GSAP: variants seen among roughly 807,000 people sequenced by gnomAD.
The protein encoded by GSAP is gamma-secretase activating protein, also known as gamma-secretase-activating protein.
Under a neutral mutation model 131.7 loss-of-function variants are expected in GSAP, and 118 were observed. The ratio of observed to expected loss-of-function variants is 0.90; its 90% CI spans 0.77 to 1.04. The LOEUF (loss-of-function observed/expected upper bound fraction) is 1.04. GSAP is among the 50% of genes least tolerant of loss of function. GSAP has a pLI of 0.00. For missense variants in GSAP, 1,019 were observed against 1,013.2 expected (o/e 1.01, Z -0.08); for synonymous variants, 381 against 363.4 (o/e 1.05, Z -0.55).
At chr7:77,415,883 C>CATT in intron 1 of GSAP, 1 of 263,780 alleles carries the variant, frequency 3.8e-6, no homozygotes, top group Non-Finnish European at 7.2e-6. Flanking sequence ...CTGAGCTGAG[C>CATT]ACGACCCTCT....
intron 22 of GSAP, chr7:77,326,911 T>C (rs1313031682): frequency 6.6e-6 from 1 of 152,220 alleles, no homozygotes; most frequent in African/African-American, 2.4e-5. Flanking sequence ...CGCTTCTAAC[T>C]TCTTTGTATT....
At chr7:77,356,050 C>T (rs982726658) in intron 14 of GSAP, among the ~76,000 whole-genome samples, 3 of 151,656 alleles carry the variant, frequency 2.0e-5, no homozygotes, top group Non-Finnish European at 4.4e-5. Context: ...CCTCGGCCTC[C>T]CAAAGTGCTG....
At chr7:77,412,064 A>G (rs1803386148) in intron 1 of GSAP, among the ~76,000 whole-genome samples, 1 of 152,200 alleles carries the variant, frequency 6.6e-6, no homozygotes, top group South Asian at 2.1e-4. Flanking sequence ...CCGTAATCCC[A>G]GCTACTTGGG....
At chr7:77,362,734 C>A (rs539989728) in intron 12 of GSAP, 74 bp from the exon 13 acceptor site, 5 of 831,138 alleles carry the variant, frequency 6.0e-6, no homozygotes, top group Non-Finnish European at 1.0e-5. Context: ...ACCACTTAAA[C>A]TTACTTCTAT....
chr7:77,387,825 A>G (rs1047928743), intron 5 of GSAP, among the ~76,000 whole-genome samples: 2 of 152,242 alleles, frequency 1.3e-5, no homozygotes, highest in African/African-American at 4.8e-5. Context: ...CAAGGGAGAC[A>G]AATTTCAGAT....
At chr7:77,377,090 A>G (rs1797007258) in intron 9 of GSAP, among the ~76,000 whole-genome samples, 183 bp from the exon 10 acceptor site, 1 of 151,892 alleles carries the variant, frequency 6.6e-6, no homozygotes, top group Non-Finnish European at 1.5e-5. Context: ...ACTATGGCTC[A>G]TGCCTGTAAT....
intron 22 of GSAP, chr7:77,328,051 GGTAA>G (rs1220518362): frequency 3.9e-5 from 8 of 207,370 alleles, no homozygotes; most frequent in African/African-American, 1.9e-4. Context: ...TGCACAAATG[GGTAA>G]GTGACTTGCC....
At chr7:77,396,301 T>C (rs1026810272) in intron 5 of GSAP, among the ~76,000 whole-genome samples, 1 of 152,204 alleles carries the variant, frequency 6.6e-6, no homozygotes, top group Non-Finnish European at 1.5e-5. Context: ...TTTTCTTACA[T>C]TCAATCTGCT....
intron 19 of GSAP, among the ~76,000 whole-genome samples, chr7:77,348,683 C>T (rs1792274967): frequency 6.6e-6 from 1 of 152,186 alleles, no homozygotes; most frequent in South Asian, 2.1e-4. Flanking sequence ...AAAACACTCC[C>T]CCTAGTTTTA....
chr7:77,349,168 G>A (rs1215659953), intron 19 of GSAP, among the ~76,000 whole-genome samples, 183 bp downstream of exon 19: 1 of 152,130 alleles, frequency 6.6e-6, no homozygotes, highest in Non-Finnish European at 1.5e-5. Context: ...CCTGAGAATT[G>A]CCATAATACC....
intron 18 of GSAP, among the ~76,000 whole-genome samples, chr7:77,350,432 AAAAAAAAAAAGTTTCTGCAGCAG>A (rs1238389259): frequency 2.0e-5 from 3 of 151,694 alleles, no homozygotes; most frequent in Non-Finnish European, 4.4e-5. Context: ...ATAATTAAAA[AAAAAAAAAAAGTTTCTGCAGCAG>A]CCAGGTGCAG....
In GSAP at chr7:77,390,972, A is replaced by T. The variant is rs1464427548; in HGVS notation, c.368-3524T>A. Among the ~76,000 whole-genome samples the T allele has an allele frequency of 3.1e-3, 427 of 136,076 alleles. 7 individuals carry two copies. Among genetic ancestry groups the T allele is most frequent in the African/African-American group, 0.011 (413 of 36,874 alleles). The allele number at this position is 136,076 out of a possible 152,430, so 89.3% of individuals were successfully genotyped here. ...AAAAAAAAAAAAAAAAAAAAAAAAA[A>T]AAAAAAAAAAATTAGCCGGGTGTGG... is the stretch of plus-strand genomic sequence containing the variant. On this transcript the variant is annotated intron_variant, in intron 5 of 30. Transcript: ENST00000257626.
chr7:77,397,487 C>T (rs1377941745), intron 3 of GSAP, 72 bp from the exon 4 acceptor site: 2 of 865,620 alleles, frequency 2.3e-6, no homozygotes, highest in African/African-American at 3.4e-5. Flanking sequence ...CATAAATTCC[C>T]ATTAAGCTCT....
At chr7:77,404,940 C>T (rs1563133774) in intron 2 of GSAP, among the ~76,000 whole-genome samples, 2 of 152,132 alleles carry the variant, frequency 1.3e-5, no homozygotes, top group South Asian at 4.1e-4. Context: ...AGGACAAGTC[C>T]GTAACATTCT....
intron 3 of GSAP, among the ~76,000 whole-genome samples, chr7:77,403,649 CAGAA>C (rs1340422556): frequency 1.3e-5 from 2 of 152,122 alleles, no homozygotes; most frequent in South Asian, 4.1e-4. Flanking sequence ...TAAGCAGAAG[CAGAA>C]AGAGTCAGAG....
rs969683115 is a variant in GSAP, at chr7:77,382,479, G to A, written c.526+95C>T. 3.9e-5 allele frequency: 27 copies of A among 690,910 alleles called. No homozygotes were observed. The East Asian group carries it at 6.9e-4, about 18-fold the overall frequency. 42.8% of individuals were successfully genotyped at this position (690,910 alleles called of 1,614,324 possible). ...CAAAGCTTAGCAGACCCTTGGCAAT[G>A]GCAGGTGGATATCTAGAAGATTCAA... On this transcript the variant is annotated intron_variant, in intron 7 of 30. Coordinates refer to ENST00000257626, the MANE Select transcript of GSAP (RefSeq NM_017439.4).
At chr7:77,387,311 G>T (rs1280403727) in intron 6 of GSAP, 49 bp downstream of exon 6, 1 of 919,676 alleles carries the variant, frequency 1.1e-6, no homozygotes, top group South Asian at 1.3e-5. Context: ...CTTCTAGGCT[G>T]CATGCCTTTT....
At chr7:77,320,565 A>G (rs573949705) in intron 26 of GSAP, among the ~76,000 whole-genome samples, 160 bp downstream of exon 26, 2 of 152,336 alleles carry the variant, frequency 1.3e-5, no homozygotes, top group Admixed American at 6.5e-5. Flanking sequence ...AGCTCTGGTC[A>G]GCAGAGACCA....
intron 3 of GSAP, 21 bp from the exon 4 acceptor site, chr7:77,397,436 T>C: frequency 7.3e-7 from 1 of 1,368,480 alleles, no homozygotes; most frequent in Non-Finnish European, 1.0e-6. Flanking sequence ...AAAAATATTT[T>C]TTAATTTGAA....
Sources: gnomAD v4.1 joint callset for allele counts (sites outside exome capture counted in the v4.1 genomes callset) on GRCh38, gnomAD v4.1.1 for gene constraint, MANE v1.5 for transcripts, NCBI Gene and HGNC (gene_info 2026-07-23, HGNC 2026-07-21) for gene names.